The following ALDH3B2 variants were observed in gnomAD, a reference collection of about 807,000 sequenced individuals.
ALDH3B2 encodes the protein aldehyde dehydrogenase 3 family member B2.
In ALDH3B2, 45 loss-of-function variants were observed where a neutral mutation model predicts 36.7. The ratio of observed to expected loss-of-function variants is 1.23; its 90% CI spans 0.97 to 1.57. ALDH3B2 has a LOEUF of 1.57. Ranked by LOEUF, ALDH3B2 falls within the 40% of genes most tolerant of loss-of-function variation. The pLI is 0.00. For missense variants in ALDH3B2, 464 were observed against 513.3 expected (o/e 0.90, Z 0.93); for synonymous variants, 217 against 226.5 (o/e 0.96, Z 0.38).
At chr11:67,670,505 G>A (rs1467032701) in intron 1 of ALDH3B2, among the ~76,000 whole-genome samples, 2 of 152,142 alleles carry the variant, frequency 1.3e-5, no homozygotes, top group Non-Finnish European at 2.9e-5. Flanking sequence ...CATCCCCAGT[G>A]AGTGTCCTGG....
chr11:67,665,174 G>A (rs1215048376), intron 7 of ALDH3B2, 111 bp downstream of exon 7: 1 of 1,506,076 alleles, frequency 6.6e-7, no homozygotes, highest in African/African-American at 1.4e-5. Context: ...GCCGGGCTCT[G>A]ATAGTGGGGC....
chr11:67,665,657 C>T (rs775183918), exon 7 of ALDH3B2: 11 of 1,609,994 alleles, frequency 6.8e-6, no homozygotes, highest in Non-Finnish European at 9.3e-6. Context: ...ACAATCTTGC[C>T]CACACGAGGG....
intron 8 of ALDH3B2, 96 bp downstream of exon 8, chr11:67,664,300 G>A: frequency 6.4e-7 from 1 of 1,572,670 alleles, no homozygotes; most frequent in Admixed American, 1.7e-5. Flanking sequence ...GGCATCTGCT[G>A]CTCTAAAGCC....
At chr11:67,672,578 C>G (rs1380944607) in intron 1 of ALDH3B2, among the ~76,000 whole-genome samples, 4 of 151,920 alleles carry the variant, frequency 2.6e-5, no homozygotes, top group Non-Finnish European at 1.5e-5. Flanking sequence ...CGTCCTCAAC[C>G]TTGGCAAAAT....
intron 1 of ALDH3B2, among the ~76,000 whole-genome samples, chr11:67,668,796 G>A (rs1249189472): frequency 1.4e-5 from 2 of 139,226 alleles, no homozygotes; most frequent in Non-Finnish European, 1.6e-5. Context: ...GTGTGTCTGT[G>A]TATGTATGGG....
exon 2 of ALDH3B2, chr11:67,667,552 G>T (rs772500815): frequency 5.2e-6 from 2 of 382,514 alleles, no homozygotes; most frequent in African/African-American, 2.1e-5. Flanking sequence ...CTGGAGCTGC[G>T]CAGCCCGGAA....
Position 67,664,563 on chromosome 11 carries a change from C to A in ALDH3B2, c.707-1G>T. 6.2e-7 allele frequency: 1 copy of A among 1,612,966 alleles called. No homozygotes were observed. The highest frequency in any genetic ancestry group is 1.9e-4 in the Middle Eastern group (1 of 5,402). On this transcript the variant is annotated splice_acceptor_variant, in intron 7 of 9. Coordinates refer to ENST00000349015, the Ensembl canonical transcript of ALDH3B2. LOFTEE classifies it high-confidence loss of function. Reference sequence around the variant, plus strand: ...TGCACGTCCACCAGCACCGTGGGGGCTGCGGGCACCAGAGACGGCTCAGCC... The same window carrying A: ...TGCACGTCCACCAGCACCGTGGGGGATGCGGGCACCAGAGACGGCTCAGCC...
chr11:67,664,492 C>A, exon 8 of ALDH3B2: 1 of 1,614,080 alleles, frequency 6.2e-7, no homozygotes, highest in Middle Eastern at 1.7e-4. Flanking sequence ...TCACGATGGG[C>A]AGGATGGGCC....
chr11:67,679,205 C>A (rs1311204783), upstream of ALDH3B2, among the ~76,000 whole-genome samples: 1 of 152,132 alleles, frequency 6.6e-6, no homozygotes, highest in Non-Finnish European at 1.5e-5. Flanking sequence ...CAGTGGCTCA[C>A]ATCTGTAATT....
chr11:67,666,039 A>G (rs993214204), intron 6 of ALDH3B2, 83 bp downstream of exon 6: 35 of 1,464,708 alleles, frequency 2.4e-5, no homozygotes, highest in Non-Finnish European at 3.1e-5. Context: ...TGCTGGCCCC[A>G]GCCTCCTCCC....
At position 67,666,478 on chromosome 11, in the gene ALDH3B2, T is replaced by C. The variant is rs143207553; in HGVS notation, c.152-77A>G. On this transcript the variant is annotated intron_variant, in intron 4 of 9. Transcript: ENST00000349015. ...AACCAGGGGCTGGGCTCAGAGGGCA[T>C]GTGAGGCCCAGGGTACCTCAGAGCA... 2,972 of 1,603,056 alleles carry C rather than the reference T, an allele frequency of 1.9e-3. 50 individuals carry two copies. The highest frequency in any genetic ancestry group is 0.018 in the African/African-American group (1,383 of 74,784).
intron 6 of ALDH3B2, 87 bp from the exon 7 acceptor site, chr11:67,665,758 G>C: frequency 1.3e-6 from 2 of 1,514,752 alleles, no homozygotes; most frequent in Non-Finnish European, 1.8e-6. Flanking sequence ...TCCCTGGAGA[G>C]GTGTTGGAGT....
intron 1 of ALDH3B2, among the ~76,000 whole-genome samples, chr11:67,673,488 C>A (rs7943880): frequency 6.6e-6 from 1 of 152,186 alleles, no homozygotes; most frequent in Admixed American, 6.5e-5. Context: ...TAGGGGAGGG[C>A]CTCTTGGAGG....
At chr11:67,665,502 G>A (rs113469233) in exon 7 of ALDH3B2, 23 of 1,613,968 alleles carry the variant, frequency 1.4e-5, no homozygotes, top group Non-Finnish European at 1.9e-5. Flanking sequence ...CAGGGGCCAC[G>A]CAGGTCTGGC....
At chr11:67,666,449 G>A in intron 4 of ALDH3B2, 48 bp from the exon 5 acceptor site, 1 of 1,604,484 alleles carries the variant, frequency 6.2e-7, no homozygotes, top group Non-Finnish European at 8.5e-7. Context: ...GGGTCCCCAT[G>A]CCCAACCAGG....
intron 7 of ALDH3B2, 125 bp downstream of exon 7, chr11:67,665,160 C>T: frequency 2.7e-6 from 4 of 1,483,346 alleles, no homozygotes; most frequent in Non-Finnish European, 3.6e-6. Context: ...AGCCATGGCT[C>T]AAGGCCGGGC....
chr11:67,666,237 C>CG (rs5792424), intron 5 of ALDH3B2, 34 bp from the exon 6 acceptor site: 1,446,747 of 1,613,020 alleles, frequency 0.9, 650,528 homozygotes, highest in South Asian at 0.95. Context: ...GGGGCGGGCT[C>CG]GGGGCCAGCC....
At chr11:67,663,810 G>A (rs1855820542) in intron 8 of ALDH3B2, 49 bp from the exon 9 acceptor site, 2 of 1,522,684 alleles carry the variant, frequency 1.3e-6, no homozygotes, top group Admixed American at 1.8e-5. Context: ...ATGAGAAGAG[G>A]GCTTGAGCCC....
intron 5 of ALDH3B2, 45 bp from the exon 6 acceptor site, chr11:67,666,248 G>C: frequency 6.2e-7 from 1 of 1,612,910 alleles, no homozygotes; most frequent in Non-Finnish European, 8.5e-7. Flanking sequence ...GGGGCCAGCC[G>C]GGCCTCCTCA....
Sources: gnomAD v4.1 joint callset for allele counts (sites outside exome capture counted in the v4.1 genomes callset) on GRCh38, gnomAD v4.1.1 for gene constraint, MANE v1.5 for transcripts, NCBI Gene and HGNC (gene_info 2026-07-23, HGNC 2026-07-21) for gene names.